The following IFITM10 variants were observed in gnomAD, a reference collection of about 807,000 sequenced individuals.
The protein encoded by IFITM10 is interferon induced transmembrane protein 10.
Under a neutral mutation model 19.0 loss-of-function variants are expected in IFITM10, and 17 were observed. The ratio of observed to expected loss-of-function variants is 0.90; its 90% confidence interval spans 0.61 to 1.34. IFITM10 has a LOEUF of 1.34. IFITM10 is among the 40% of genes most tolerant of loss of function. The pLI is 0.00. For missense variants in IFITM10, 306 were observed against 319.8 expected, an observed-to-expected ratio of 0.96 and a Z score of 0.33; for synonymous variants, 148 against 147.2, an observed-to-expected ratio of 1.01 and a Z score of -0.04.
chr11:1,739,910 C>T (rs368061174), intron 2 of IFITM10, among the ~76,000 whole-genome samples: 19 of 152,188 alleles, frequency 1.2e-4, no homozygotes, highest in East Asian at 9.6e-4. Context: ...TCCAGGAGCA[C>T]GGTGCAGGCT....
chr11:1,736,514 C>T (rs139559207), intron 2 of IFITM10, among the ~76,000 whole-genome samples: 7 of 151,726 alleles, frequency 4.6e-5, no homozygotes, highest in East Asian at 1.9e-4. Flanking sequence ...AAAGCTAGAA[C>T]GCAATTCAGT....
chr11:1,743,030 T>C (rs1220496307), intron 2 of IFITM10, among the ~76,000 whole-genome samples: 6 of 134,916 alleles, frequency 4.4e-5, no homozygotes, highest in Non-Finnish European at 7.7e-5. Context: ...GGATTGAGGG[T>C]GGATGGATGG....
At chr11:1,736,724 GTGGAATGGATGGAGTGGAGTGGA>G (rs1192157327) in intron 2 of IFITM10, among the ~76,000 whole-genome samples, 2 of 151,486 alleles carry the variant, frequency 1.3e-5, no homozygotes, top group Non-Finnish European at 2.9e-5. Context: ...AGTGGAGTGG[GTGGAATGGATGGAGTGGAGTGGA>G]TGGAATGGAT....
rs550093714 is a variant in IFITM10 at position 1,732,699 on chromosome 11, A to C, written c.*2581T>G. On this transcript the variant is annotated 3_prime_UTR_variant, in exon 3 of 3. Transcript: ENST00000340134. ...CCCCGGTCCCCAGGGTATGGAAGCC[A>C]GGGGCCTTTGTAGCCCCACATTGCC... 5 of 152,256 alleles carry C rather than the reference A, an allele frequency of 3.3e-5. No homozygotes were observed. The highest frequency in any genetic ancestry group is 1.2e-4 in the African/African-American group (5 of 41,454). The allele number at this position is 152,256 out of a possible 1,614,324, so 9.4% of individuals were successfully genotyped here. A position where few individuals can be genotyped will look rare whatever the true frequency, so the allele number is the denominator to read the frequency against.
At chr11:1,746,271 C>T (rs1443604620) in intron 2 of IFITM10, 3 of 303,770 alleles carry the variant, frequency 9.9e-6, no homozygotes, top group Non-Finnish European at 1.8e-5. Context: ...CACGTAATTA[C>T]ACACATGCAC....
At chr11:1,736,077 TC>T (rs1162271970) in intron 2 of IFITM10, among the ~76,000 whole-genome samples, 1 of 151,700 alleles carries the variant, frequency 6.6e-6, no homozygotes, top group African/African-American at 2.4e-5. Flanking sequence ...TATAGGGCCC[TC>T]CCCTCCTCAG....
Position 1,733,192 on chromosome 11 carries a change from G to C in IFITM10, c.*2088C>G, listed in dbSNP as rs1374882513. ...CTCGGCAAGGCTTTCAGCCGCCCCT[G>C]GCACTTCTCCCACCATCCTCCAAGA... On this transcript the variant is annotated 3_prime_UTR_variant, in exon 3 of 3. Transcript: ENST00000340134. This position sits in a 1 kb window ranked among gnomAD's most constrained non-coding sequence, Gnocchi z 6.3. The C allele has an allele frequency of 1.3e-5, 2 of 152,508 alleles. No homozygotes were observed. The highest frequency in any genetic ancestry group is 2.9e-5 in the Non-Finnish European group (2 of 68,272). 9.4% of individuals were successfully genotyped at this position (152,508 alleles called of 1,614,324 possible). A position where few individuals can be genotyped will look rare whatever the true frequency, so the allele number is the denominator to read the frequency against.
In IFITM10 at chr11:1,742,918, A is replaced by G. The variant is rs116914650; in HGVS notation, c.537+4749T>C. 5.3e-3 allele frequency among the ~76,000 whole-genome samples: 809 copies of G among 151,932 alleles called. 6 individuals carry two copies. Among genetic ancestry groups the G allele is most frequent in the Non-Finnish European group, 8.4e-3 (568 of 67,934 alleles). ...GGATGGATGGACAGATGGAGGATGG[A>G]TAGATGGATGGAGGATGGATGGATA... On this transcript the variant is annotated intron_variant, in intron 2 of 2. Transcript: ENST00000340134.
chr11:1,735,850 A>T (rs1292500806), intron 2 of IFITM10, among the ~76,000 whole-genome samples: 1 of 152,242 alleles, frequency 6.6e-6, no homozygotes, highest in Admixed American at 6.5e-5. Flanking sequence ...ATGGGGCGAC[A>T]CAACTGTCTC....
At chr11:1,749,203 GC>G in intron 1 of IFITM10, 2 of 599,302 alleles carry the variant, frequency 3.3e-6, no homozygotes, top group East Asian at 1.4e-4. Context: ...CCTCCGCAGC[GC>G]CAGACCGGCC....
Position 1,734,892 on chromosome 11 carries a change from G to T in IFITM10, c.*388C>A, listed in dbSNP as rs1274447171. 9.0e-6 allele frequency: 2 copies of T among 221,328 alleles called. No homozygotes were observed. Among genetic ancestry groups the T allele is most frequent in the East Asian group, 2.2e-4 (2 of 9,198 alleles). The allele number at this position is 221,328 out of a possible 1,614,324, so 13.7% of individuals were successfully genotyped here. ...AGGAGGCAGGGTCGGGGAGCACAGA[G>T]TGAGTCCTCCCAACCTGGGACAATT... On this transcript the variant is annotated 3_prime_UTR_variant, in exon 3 of 3. Coordinates refer to ENST00000340134, the MANE Select transcript of IFITM10 (RefSeq NM_001170820.4).
chr11:1,747,337 T>C (rs957231235), intron 2 of IFITM10, among the ~76,000 whole-genome samples: 10 of 152,092 alleles, frequency 6.6e-5, no homozygotes, highest in Non-Finnish European at 1.3e-4. Flanking sequence ...CCATGTCCCC[T>C]GAGCCTGAGC....
At position 1,735,364 on chromosome 11, in the gene IFITM10, C is replaced by G. The variant is rs1851075273; in HGVS notation, c.603G>C (p.Leu201=). 1 of 1,551,618 alleles carries G rather than the reference C, an allele frequency of 6.4e-7. No homozygotes were observed. The highest frequency in any genetic ancestry group is 2.0e-5 in the Admixed American group (1 of 50,990). ...GAVEDAKTAR[L]FNITSSALAA... is the part of the protein sequence containing the mutation. ...CCAGGGCAGAACTGGTGATGTTGAA[C>G]AGCCGGGCCGTCTTTGCATCCTCCA... is the stretch of plus-strand genomic sequence containing the variant. Residue 201 remains leucine, a synonymous_variant, in exon 3 of 3, where the codon CTG becomes CTC. Transcript: ENST00000340134.
At chr11:1,739,975 T>C (rs1377843717) in intron 2 of IFITM10, among the ~76,000 whole-genome samples, 1 of 152,064 alleles carries the variant, frequency 6.6e-6, no homozygotes, top group Non-Finnish European at 1.5e-5. Context: ...ATATGACATA[T>C]GTGAACGAGG....
chr11:1,747,636 G>A (rs999055578), intron 2 of IFITM10, 31 bp downstream of exon 2: 34 of 1,542,344 alleles, frequency 2.2e-5, no homozygotes, highest in East Asian at 2.0e-4. Context: ...TCTCTAGCCC[G>A]CCCTTGCCCC....
intron 2 of IFITM10, among the ~76,000 whole-genome samples, chr11:1,738,040 G>A (rs140015602): frequency 2.6e-5 from 4 of 152,206 alleles, no homozygotes. Context: ...GGAAGAGGAG[G>A]GTGGGGGAGT....
intron 2 of IFITM10, chr11:1,744,841 C>T (rs1845619817): frequency 6.6e-6 from 1 of 152,314 alleles, no homozygotes. Flanking sequence ...GTCCCAAGAG[C>T]TCGGATTTTA....
chr11:1,748,615 A>ACCGCGGGCTCTCCAGACCCCGGGGCGCAC (rs1415294691), intron 1 of IFITM10: 1 of 149,052 alleles, frequency 6.7e-6, no homozygotes, highest in Non-Finnish European at 1.5e-5. Flanking sequence ...CGCGGGCTGC[A>ACCGCGGGCTCTCCAGACCCCGGGGCGCAC]CCGCGGGCTC....
rs563072840 is a variant in IFITM10 at position 1,747,559 on chromosome 11, C to T, written c.537+108G>A. 6.3e-6 allele frequency: 6 copies of T among 957,028 alleles called. No homozygotes were observed. In the South Asian group the frequency reaches 8.0e-5, roughly 13 times the overall value. The allele number at this position is 957,028 out of a possible 1,614,324, so 59.3% of individuals were successfully genotyped here. ...GCCCCTCAACTGCACCTGTTCTACCCGTGTGCTCCCCTGAGAGGGAGAGGG... is the reference window on the plus strand; with the variant it reads ...GCCCCTCAACTGCACCTGTTCTACCTGTGTGCTCCCCTGAGAGGGAGAGGG... On this transcript the variant is annotated intron_variant, in intron 2 of 2. Coordinates refer to ENST00000340134, the MANE Select transcript of IFITM10 (RefSeq NM_001170820.4).
Sources: gnomAD v4.1 joint callset for allele counts (sites outside exome capture counted in the v4.1 genomes callset) on GRCh38, gnomAD v4.1.1 for gene constraint, Gnocchi (gnomAD v3.1) non-coding constraint, MANE v1.5 for transcripts, NCBI Gene and HGNC (gene_info 2026-07-23, HGNC 2026-07-21) for gene names.